PCBD2: variants seen among roughly 807,000 people sequenced by gnomAD.
PCBD2 encodes the protein pterin-4-alpha-carbinolamine dehydratase 2.
In PCBD2, 12 loss-of-function variants were observed where a neutral mutation model predicts 16.4. That is an observed-to-expected ratio of 0.73 (90% confidence interval 0.47 to 1.19). PCBD2 has a LOEUF of 1.19. Ranked by LOEUF, PCBD2 falls within the 50% of genes most tolerant of loss-of-function variation. The probability of loss-of-function intolerance (pLI) is 0.00; values close to 1 mark genes in which losing one functional copy is unlikely to be tolerated. For missense variants in PCBD2, 138 were observed against 156.8 expected, an observed-to-expected ratio of 0.88 and a Z score of 0.64; for synonymous variants, 58 against 61.8, an observed-to-expected ratio of 0.94 and a Z score of 0.29.
chr5:134,911,491 T>C (rs752701334), intron 2 of PCBD2, among the ~76,000 whole-genome samples: 1 of 152,264 alleles, frequency 6.6e-6, no homozygotes, highest in Non-Finnish European at 1.5e-5. Context: ...GACAGATTTA[T>C]TGTTTTTATT....
At chr5:134,936,290 C>T (rs565559556) in intron 2 of PCBD2, among the ~76,000 whole-genome samples, 3 of 152,270 alleles carry the variant, frequency 2.0e-5, no homozygotes, top group Admixed American at 1.3e-4. Context: ...AAGGAGATGG[C>T]TGTGCCCAGC....
intron 2 of PCBD2, among the ~76,000 whole-genome samples, chr5:134,921,627 C>T (rs1420619967): frequency 6.6e-6 from 1 of 152,138 alleles, no homozygotes; most frequent in African/African-American, 2.4e-5. Context: ...AAACTCTTGT[C>T]TCTCTAACTG....
At chr5:134,946,466 C>T (rs1046265223) in intron 2 of PCBD2, among the ~76,000 whole-genome samples, 6 of 152,118 alleles carry the variant, frequency 3.9e-5, no homozygotes. Flanking sequence ...TTACCAGGAG[C>T]TAATATTTGG....
chr5:134,960,966 C>A lies in PCBD2; in HGVS notation c.*285C>A. 4.3e-6 allele frequency: 1 copy of A among 234,506 alleles called. No homozygotes were observed. The allele number at this position is 234,506 out of a possible 1,614,324, so 14.5% of individuals were successfully genotyped here. ...ATTTTTAGTATAGACAGGGTTTTAC[C>A]ACGTTGGTCAGGCTGGTCTCGAACT... is the stretch of plus-strand genomic sequence containing the variant. On this transcript the variant is annotated 3_prime_UTR_variant, in exon 4 of 4. Transcript: ENST00000254908.
Position 134,927,374 on chromosome 5 carries a change from G to T in PCBD2, c.216+16908G>T, listed in dbSNP as rs138353851. 6 of 398,232 alleles carry T rather than the reference G, an allele frequency of 1.5e-5. No individual in the cohort carries two copies. In the South Asian group the frequency reaches 3.9e-4, roughly 26 times the overall value. 24.7% of individuals were successfully genotyped at this position (398,232 alleles called of 1,614,324 possible). A position where few individuals can be genotyped will look rare whatever the true frequency, so the allele number is the denominator to read the frequency against. On this transcript the variant is annotated intron_variant, in intron 2 of 3. Transcript: ENST00000254908. ...CTATTGACCCAGCGATGGGGGCTTCGACATGGGCTTTAGGGAGCCATAGGT... is the reference window on the plus strand; with the variant it reads ...CTATTGACCCAGCGATGGGGGCTTCTACATGGGCTTTAGGGAGCCATAGGT...
chr5:134,944,832 C>T (rs1751272194), intron 2 of PCBD2, among the ~76,000 whole-genome samples: 1 of 152,168 alleles, frequency 6.6e-6, no homozygotes, highest in Non-Finnish European at 1.5e-5. Context: ...CAGAAATGCC[C>T]TTGCTGAAGA....
At chr5:134,926,973 A>G (rs1316560371) in intron 2 of PCBD2, 3 of 398,380 alleles carry the variant, frequency 7.5e-6, no homozygotes, top group Admixed American at 4.4e-5. Flanking sequence ...TCAAAAGGCT[A>G]TTAGTGGGAG....
intron 2 of PCBD2, among the ~76,000 whole-genome samples, chr5:134,917,956 A>G (rs1750853038): frequency 6.6e-6 from 1 of 152,238 alleles, no homozygotes; most frequent in South Asian, 2.1e-4. Context: ...TAGTGAAGTC[A>G]AAGGCTTGAT....
chr5:134,960,414 C>A (rs989625277), intron 3 of PCBD2, among the ~76,000 whole-genome samples, 172 bp from the exon 4 acceptor site: 3 of 152,028 alleles, frequency 2.0e-5, no homozygotes, highest in Admixed American at 1.3e-4. Context: ...CCCTGGAGTT[C>A]GCTGGGTTTT....
intron 2 of PCBD2, among the ~76,000 whole-genome samples, chr5:134,914,047 G>C (rs1004211913): frequency 6.6e-6 from 1 of 152,154 alleles, no homozygotes; most frequent in South Asian, 2.1e-4. Flanking sequence ...GGTGTAAGAG[G>C]CTGGAGTTCA....
Position 134,927,035 on chromosome 5 carries a change from G to A in PCBD2, c.216+16569G>A, listed in dbSNP as rs528755197. The A allele has an allele frequency of 6.8e-3, 2,703 of 398,518 alleles. 14 individuals are homozygous for A. Among genetic ancestry groups the A allele is most frequent in the South Asian group, 0.02 (160 of 7,826 alleles). The allele number at this position is 398,518 out of a possible 1,614,324, so 24.7% of individuals were successfully genotyped here. On this transcript the variant is annotated intron_variant, in intron 2 of 3. Coordinates refer to ENST00000254908, the MANE Select transcript of PCBD2 (RefSeq NM_032151.5). ...TTATGATGCGACTGTGGGTACGTTC[G>A]TAGTTTGAGTTTGCTAGGCAGAATA...
intron 2 of PCBD2, among the ~76,000 whole-genome samples, chr5:134,943,905 CAA>C (rs1439018966): frequency 1.3e-5 from 2 of 152,160 alleles, no homozygotes; most frequent in African/African-American, 2.4e-5. Flanking sequence ...AAACTTGTAA[CAA>C]AGTGTATCAG....
At chr5:134,925,764 T>G (rs1580883509) in intron 2 of PCBD2, 1 of 395,112 alleles carries the variant, frequency 2.5e-6, no homozygotes, top group Non-Finnish European at 4.5e-6. Flanking sequence ...CTGAGGGGAG[T>G]CAGGGGTGAA....
At chr5:134,915,176 G>T (rs188535862) in intron 2 of PCBD2, among the ~76,000 whole-genome samples, 4 of 151,906 alleles carry the variant, frequency 2.6e-5, no homozygotes, top group African/African-American at 9.7e-5. Flanking sequence ...TTAACCAGGC[G>T]TGGTGGCGTG....
intron 2 of PCBD2, among the ~76,000 whole-genome samples, chr5:134,939,055 TATTATA>T (rs1240219889): frequency 6.6e-6 from 1 of 152,194 alleles, no homozygotes; most frequent in Non-Finnish European, 1.5e-5. Flanking sequence ...TTAAATGTAT[TATTATA>T]ATTGTTTTTT....
At chr5:134,921,801 C>T (rs1750906879) in intron 2 of PCBD2, among the ~76,000 whole-genome samples, 1 of 152,182 alleles carries the variant, frequency 6.6e-6, no homozygotes, top group South Asian at 2.1e-4. Context: ...AGCTGCCTTC[C>T]CTCTAGAGTT....
chr5:134,925,775 G>A (rs1750984693), intron 2 of PCBD2: 1 of 396,026 alleles, frequency 2.5e-6, no homozygotes, highest in East Asian at 3.6e-5. Context: ...CAGGGGTGAA[G>A]GCCTAATTGA....
Position 134,959,020 on chromosome 5 carries a change from CTT to C in PCBD2, c.217-19_217-18del. 1 of 1,604,252 alleles carries C rather than the reference CTT, an allele frequency of 6.2e-7. No individual in the cohort carries two copies. Among genetic ancestry groups the C allele is most frequent in the Non-Finnish European group, 8.5e-7 (1 of 1,171,450 alleles). On this transcript the variant is annotated intron_variant, in intron 2 of 3. Transcript: ENST00000254908. ...GTAGAGGACAATGTCAGTAATTACT[CTT>C]GACTTCATCTTATGCAGGCATTTGG...
At chr5:134,938,363 G>A (rs1339724388) in intron 2 of PCBD2, among the ~76,000 whole-genome samples, 3 of 152,180 alleles carry the variant, frequency 2.0e-5, no homozygotes, top group Non-Finnish European at 4.4e-5. Flanking sequence ...CTAAGGAACA[G>A]CAGCAGAGAC....
Sources: gnomAD v4.1 joint callset for allele counts (sites outside exome capture counted in the v4.1 genomes callset) on GRCh38, gnomAD v4.1.1 for gene constraint, MANE v1.5 for transcripts, NCBI Gene and HGNC (gene_info 2026-07-23, HGNC 2026-07-21) for gene names.